Variants in LEPR observed in about 807,000 individuals in gnomAD.
LEPR encodes OB receptor.
A neutral mutation model predicts 114.7 loss-of-function variants in LEPR; 56 were observed. That is an observed-to-expected ratio of 0.49 (90% CI 0.39 to 0.61). The LOEUF is 0.61. LEPR is among the 20% of genes least tolerant of loss of function. LEPR has a pLI of 0.00. For synonymous variants in LEPR, 443 were observed against 461.4 expected (o/e 0.96, Z 0.51); for missense variants, 1,202 against 1,352.9 (o/e 0.89, Z 1.75).
At chr1:65,433,033 A>T (rs555665919) in intron 2 of LEPR, 55 of 985,146 alleles carry the variant, frequency 5.6e-5, no homozygotes, top group Non-Finnish European at 6.5e-5. Flanking sequence ...TGCTGGGGGA[A>T]GAGCTCCACT....
chr1:65,577,972 C>A (rs143697176), intron 5 of LEPR, among the ~76,000 whole-genome samples: 9 of 151,116 alleles, frequency 6.0e-5, no homozygotes, highest in Middle Eastern at 3.2e-3. Flanking sequence ...CTCCCACCCC[C>A]CTACAGGCCC....
chr1:65,497,304 T>A (rs1432018954), intron 2 of LEPR, among the ~76,000 whole-genome samples: 1 of 152,054 alleles, frequency 6.6e-6, no homozygotes, highest in Admixed American at 6.6e-5. Flanking sequence ...AAAAGCTTAT[T>A]CTTTATAATA....
chr1:65,518,518 G>A (rs866526401), intron 2 of LEPR, among the ~76,000 whole-genome samples: 6 of 152,136 alleles, frequency 3.9e-5, no homozygotes, highest in Non-Finnish European at 8.8e-5. Context: ...TTCTGGCAGC[G>A]AATCCTTAAT....
intron 2 of LEPR, chr1:65,432,003 A>G: frequency 6.7e-7 from 1 of 1,483,780 alleles, no homozygotes; most frequent in African/African-American, 1.4e-5. Flanking sequence ...TTTACTATGA[A>G]ATTTAATATG....
In LEPR at chr1:65,640,927, A is replaced by G. The variant is rs1011379337; in HGVS notation, c.*3912A>G. On this transcript the variant is annotated 3_prime_UTR_variant, in exon 20 of 20. Coordinates refer to ENST00000349533, the MANE Select transcript of LEPR (RefSeq NM_002303.6). ...GGGCACACCACCATGCCCAGCTTTT[A>G]TTTATTTATTTATTTATTTTGGATT... 3 of 151,164 alleles carry G rather than the reference A, an allele frequency of 2.0e-5. No homozygotes were observed. The highest frequency in any genetic ancestry group is 4.4e-5 in the Non-Finnish European group (3 of 67,808). 9.4% of individuals were successfully genotyped at this position (151,164 alleles called of 1,614,324 possible).
chr1:65,612,072 A>G (rs915510518), intron 14 of LEPR, among the ~76,000 whole-genome samples: 3 of 152,200 alleles, frequency 2.0e-5, no homozygotes, highest in African/African-American at 7.2e-5. Flanking sequence ...CTAAACTGAG[A>G]TAATAGTTCA....
chr1:65,599,856 G>T (rs1423435612), intron 8 of LEPR, among the ~76,000 whole-genome samples: 1 of 151,822 alleles, frequency 6.6e-6, no homozygotes, highest in Non-Finnish European at 1.5e-5. Context: ...TTAAAATTTT[G>T]CAAATTAAAT....
At chr1:65,445,609 C>A (rs1228672877) in intron 2 of LEPR, among the ~76,000 whole-genome samples, 3 of 151,508 alleles carry the variant, frequency 2.0e-5, no homozygotes, top group Non-Finnish European at 4.4e-5. Context: ...TTCTGTGGAG[C>A]TTTTGGTGAT....
intron 2 of LEPR, among the ~76,000 whole-genome samples, chr1:65,544,043 A>G (rs1226129090): frequency 6.6e-6 from 1 of 152,048 alleles, no homozygotes; most frequent in Non-Finnish European, 1.5e-5. Flanking sequence ...CTGAATCTAT[A>G]AATTACTTTG....
At chr1:65,480,222 A>G (rs548814407) in intron 2 of LEPR, among the ~76,000 whole-genome samples, 2 of 151,894 alleles carry the variant, frequency 1.3e-5, no homozygotes, top group South Asian at 2.1e-4. Context: ...AACAATTCCT[A>G]TGGTAGAAAA....
chr1:65,438,533 A>G (rs1646597832), intron 2 of LEPR, among the ~76,000 whole-genome samples: 1 of 131,456 alleles, frequency 7.6e-6, no homozygotes, highest in Non-Finnish European at 1.6e-5. Context: ...CTGGCGACAG[A>G]GCGAGACTCT....
chr1:65,436,990 TCTC>T (rs986804089), intron 2 of LEPR, among the ~76,000 whole-genome samples: 48 of 152,306 alleles, frequency 3.2e-4, no homozygotes, highest in African/African-American at 7.9e-4. Flanking sequence ...CTTACAGCCT[TCTC>T]CTCAAAATTG....
At chr1:65,558,531 TTTTTTTG>T (rs1653020094) in intron 2 of LEPR, among the ~76,000 whole-genome samples, 14 of 35,094 alleles carry the variant, frequency 4.0e-4, no homozygotes, top group East Asian at 3.3e-3. Flanking sequence ...CAGAAGTTTT[TTTTTTTG>T]TTTTTTTTTT....
intron 2 of LEPR, among the ~76,000 whole-genome samples, chr1:65,507,455 GTGTGTA>G (rs1291826342): frequency 7.5e-6 from 1 of 133,446 alleles, no homozygotes; most frequent in Non-Finnish European, 1.7e-5. Context: ...GTGTGTGTGT[GTGTGTA>G]TATATATATA....
chr1:65,451,475 C>T (rs1295235751), intron 2 of LEPR, among the ~76,000 whole-genome samples: 5 of 151,440 alleles, frequency 3.3e-5, no homozygotes, highest in Non-Finnish European at 5.9e-5. Context: ...GGAAGGGATC[C>T]AGTTTCAGCT....
intron 2 of LEPR, among the ~76,000 whole-genome samples, chr1:65,448,508 T>C (rs1238990676): frequency 1.3e-5 from 2 of 152,224 alleles, no homozygotes; most frequent in Admixed American, 6.5e-5. Context: ...TGTCTGGTTT[T>C]GGTAATAAGG....
chr1:65,542,294 A>G (rs1346376714), intron 2 of LEPR, among the ~76,000 whole-genome samples: 3 of 151,882 alleles, frequency 2.0e-5, no homozygotes, highest in Admixed American at 6.6e-5. Context: ...TAAATTCCTA[A>G]GGGCTGTTTT....
chr1:65,525,410 C>T (rs1649867989), intron 2 of LEPR, among the ~76,000 whole-genome samples: 1 of 152,136 alleles, frequency 6.6e-6, no homozygotes, highest in Admixed American at 6.5e-5. Flanking sequence ...CTCGGCCTCC[C>T]TGCGGGCAGG....
intron 5 of LEPR, among the ~76,000 whole-genome samples, chr1:65,584,755 G>A (rs746106094): frequency 2.0e-5 from 3 of 152,024 alleles, no homozygotes; most frequent in Non-Finnish European, 4.4e-5. Flanking sequence ...AATAGGATAG[G>A]TCTTCCCTCT....
Sources: allele counts gnomAD v4.1 joint callset (sites outside exome capture counted in the v4.1 genomes callset), GRCh38; gene constraint gnomAD v4.1.1; transcripts MANE v1.5; gene names NCBI Gene and HGNC (gene_info 2026-07-23, HGNC 2026-07-21).